The following ZEB1 variants were observed in gnomAD, a reference collection of about 807,000 sequenced individuals.
The protein encoded by ZEB1 is zinc finger E-box-binding homeobox 1.
In ZEB1, 21 loss-of-function variants were observed where a neutral mutation model predicts 84.9. The ratio of observed to expected loss-of-function variants is 0.25; its 90% CI spans 0.18 to 0.36. ZEB1 has a LOEUF of 0.36. Ranked by LOEUF, ZEB1 falls within the 10% of genes least tolerant of loss-of-function variation. The pLI is 1.00. For synonymous variants in ZEB1, 420 were observed against 471.1 expected (o/e 0.89, Z 1.41); for missense variants, 1,104 against 1,330.2 (o/e 0.83, Z 2.65).
intron 1 of ZEB1, among the ~76,000 whole-genome samples, chr10:31,389,232 CTGT>C (rs944951394): frequency 3.9e-5 from 6 of 152,108 alleles, no homozygotes; most frequent in African/African-American, 1.4e-4. Context: ...ACAAAATCAA[CTGT>C]TGTTCTATGA....
chr10:31,444,638 C>T (rs1287947609), intron 1 of ZEB1, among the ~76,000 whole-genome samples: 1 of 151,888 alleles, frequency 6.6e-6, no homozygotes, highest in Non-Finnish European at 1.5e-5. Context: ...ATATGGCTAG[C>T]CAGTTTTCCC....
chr10:31,443,747 AT>A (rs1473106958), intron 1 of ZEB1, among the ~76,000 whole-genome samples: 2 of 149,412 alleles, frequency 1.3e-5, no homozygotes, highest in African/African-American at 5.1e-5. Context: ...TGAACTCATC[AT>A]TTTTTATCGC....
chr10:31,333,140 A>G (rs1191985161), intron 1 of ZEB1, among the ~76,000 whole-genome samples: 3 of 152,180 alleles, frequency 2.0e-5, no homozygotes, highest in African/African-American at 7.2e-5. Context: ...GCAGATCTTC[A>G]CAGCCTATTC....
intron 1 of ZEB1, among the ~76,000 whole-genome samples, chr10:31,332,301 G>T (rs1474130608): frequency 6.6e-6 from 1 of 152,112 alleles, no homozygotes; most frequent in Non-Finnish European, 1.5e-5. Flanking sequence ...CACTGTTAGG[G>T]GGAATTGTAT....
intron 1 of ZEB1, among the ~76,000 whole-genome samples, chr10:31,355,626 T>G (rs2041994204): frequency 6.6e-6 from 1 of 152,136 alleles, no homozygotes; most frequent in Admixed American, 6.6e-5. Flanking sequence ...GGGCTGAGAT[T>G]GGAAGAATCA....
At chr10:31,480,341 A>G (rs1351852868) in intron 2 of ZEB1, among the ~76,000 whole-genome samples, 3 of 152,070 alleles carry the variant, frequency 2.0e-5, no homozygotes, top group Admixed American at 6.6e-5. Context: ...ACTATAAGTA[A>G]TACATGTAAA....
intron 1 of ZEB1, among the ~76,000 whole-genome samples, chr10:31,449,363 C>T (rs1341755325): frequency 6.6e-6 from 1 of 152,236 alleles, no homozygotes; most frequent in African/African-American, 2.4e-5. Context: ...ATGCAGAAAT[C>T]ACCCGTCTTC....
At chr10:31,400,659 A>G (rs1021493985) in intron 1 of ZEB1, among the ~76,000 whole-genome samples, 3 of 152,116 alleles carry the variant, frequency 2.0e-5, no homozygotes, top group African/African-American at 2.4e-5. Context: ...AAATAATTTA[A>G]ATTTCCAGAA....
At chr10:31,321,024 A>C in intron 1 of ZEB1, 1 of 513,106 alleles carries the variant, frequency 1.9e-6, no homozygotes, top group South Asian at 8.1e-5. Flanking sequence ...GAGAGGGGCA[A>C]TAAATGCGTC....
intron 2 of ZEB1, among the ~76,000 whole-genome samples, chr10:31,486,810 T>C (rs1025208932): frequency 1.5e-4 from 22 of 151,692 alleles, no homozygotes; most frequent in African/African-American, 5.3e-4. Flanking sequence ...TTTCTTTTTA[T>C]GGATCATGAT....
rs2067158642 is a variant in ZEB1 at position 31,495,918 on chromosome 10, T to G, written c.322+80T>G. The stretch of plus-strand genomic sequence containing the variant: ...TCACTGATTTCGCATTTGTGAGTCC[T>G]GAATTTAGTCCGTTTCCTTCTCTTT... On this transcript the variant is annotated intron_variant, in intron 3 of 8. Coordinates refer to ENST00000424869, the MANE Select transcript of ZEB1 (RefSeq NM_001174096.2). 2.1e-6 allele frequency: 3 copies of G among 1,454,608 alleles called. No homozygotes were observed. The African/African-American group carries it at 4.2e-5, about 20-fold the overall frequency. 90.1% of individuals were successfully genotyped at this position (1,454,608 alleles called of 1,614,324 possible).
intron 2 of ZEB1, among the ~76,000 whole-genome samples, chr10:31,462,673 G>C (rs896897089): frequency 2.6e-5 from 4 of 152,072 alleles, no homozygotes; most frequent in Non-Finnish European, 5.9e-5. Context: ...AAGTAAACAA[G>C]GGAAAAAATA....
At chr10:31,351,361 A>G (rs1264475790) in intron 1 of ZEB1, among the ~76,000 whole-genome samples, 3 of 152,142 alleles carry the variant, frequency 2.0e-5, no homozygotes, top group Non-Finnish European at 4.4e-5. Context: ...TATTTTTTCT[A>G]GTTTTTTCAG....
At position 31,345,913 on chromosome 10, in the gene ZEB1, T is replaced by G. The variant is rs140316116; in HGVS notation, c.58+26621T>G. Among the ~76,000 whole-genome samples the G allele has an allele frequency of 6.3e-3, 957 of 152,234 alleles. 8 individuals are homozygous for G. The highest frequency in any genetic ancestry group is 0.01 in the Non-Finnish European group (690 of 67,996). On this transcript the variant is annotated intron_variant, in intron 1 of 8. Transcript: ENST00000424869. ...CACCTTTGAAAAAGATTTTTAAAAG[T>G]CTCAGAGAAAATGAAATATAGATTC...
chr10:31,369,596 C>G (rs572159438), intron 1 of ZEB1, among the ~76,000 whole-genome samples: 1 of 152,156 alleles, frequency 6.6e-6, no homozygotes, highest in African/African-American at 2.4e-5. Context: ...TTCCTTGATT[C>G]ATCCATTGAT....
At chr10:31,408,583 T>A (rs1352730700) in intron 1 of ZEB1, among the ~76,000 whole-genome samples, 1 of 146,482 alleles carries the variant, frequency 6.8e-6, no homozygotes, top group Non-Finnish European at 1.5e-5. Context: ...CCCTCAGAAA[T>A]AACGCCGCAT....
At chr10:31,444,517 G>C (rs910994210) in intron 1 of ZEB1, among the ~76,000 whole-genome samples, 1 of 151,184 alleles carries the variant, frequency 6.6e-6, no homozygotes, top group Non-Finnish European at 1.5e-5. Context: ...GTAATGCCTA[G>C]GTTTTCTTCT....
intron 2 of ZEB1, among the ~76,000 whole-genome samples, chr10:31,464,205 G>GA (rs1032125301): frequency 6.6e-6 from 1 of 151,822 alleles, no homozygotes; most frequent in African/African-American, 2.4e-5. Flanking sequence ...GAGACACATA[G>GA]AAAAAATATG....
intron 1 of ZEB1, among the ~76,000 whole-genome samples, chr10:31,349,507 T>C (rs1293649589): frequency 6.6e-6 from 1 of 152,174 alleles, no homozygotes; most frequent in African/African-American, 2.4e-5. Context: ...CTGTTTTCCA[T>C]AGTGGCTGTA....
Sources: allele counts gnomAD v4.1 joint callset (sites outside exome capture counted in the v4.1 genomes callset), GRCh38; gene constraint gnomAD v4.1.1; transcripts MANE v1.5; gene names NCBI Gene and HGNC (gene_info 2026-07-23, HGNC 2026-07-21).